CNTNAP2: variants seen among roughly 807,000 people sequenced by gnomAD.
CNTNAP2 encodes the protein contactin associated protein 2, also known as contactin-associated protein-like 2.
Under a neutral mutation model 155.2 loss-of-function variants are expected in CNTNAP2, and 98 were observed. The ratio of observed to expected loss-of-function variants is 0.63; its 90% CI spans 0.54 to 0.75. The LOEUF (loss-of-function observed/expected upper bound fraction) is 0.75, where lower values mean the gene tolerates loss of function less well. Ranked by LOEUF, CNTNAP2 falls within the 30% of genes least tolerant of loss-of-function variation. The pLI, the probability that CNTNAP2 is intolerant of heterozygous loss-of-function variation, is 0.00. For missense variants in CNTNAP2, 1,727 were observed against 1,688.1 expected, an observed-to-expected ratio of 1.02 and a Z score of -0.40; for synonymous variants, 651 against 631.2, an observed-to-expected ratio of 1.03 and a Z score of -0.47.
At chr7:147,290,275 T>C (rs1471655417) in intron 8 of CNTNAP2, among the ~76,000 whole-genome samples, 1 of 152,188 alleles carries the variant, frequency 6.6e-6, no homozygotes, top group Admixed American at 6.5e-5. Context: ...CAAACACATA[T>C]TTTTTATGTA....
chr7:146,971,124 G>A (rs1415211158), intron 3 of CNTNAP2, among the ~76,000 whole-genome samples: 1 of 151,922 alleles, frequency 6.6e-6, no homozygotes, highest in Non-Finnish European at 1.5e-5. Context: ...AAGTTAATGG[G>A]TGCAGCACAC....
chr7:146,151,654 A>G (rs929420042), intron 1 of CNTNAP2, among the ~76,000 whole-genome samples: 8 of 32,320 alleles, frequency 2.5e-4, no homozygotes, highest in South Asian at 1.4e-3. Context: ...ATATATATAT[A>G]TATATATATA....
chr7:147,741,793 C>T (rs1410035958), intron 13 of CNTNAP2, among the ~76,000 whole-genome samples: 1 of 152,166 alleles, frequency 6.6e-6, no homozygotes, highest in Non-Finnish European at 1.5e-5. Flanking sequence ...TTGTGCTCCT[C>T]ATAACATGTT....
intron 1 of CNTNAP2, among the ~76,000 whole-genome samples, chr7:146,762,647 T>C (rs1802123244): frequency 6.6e-6 from 1 of 152,084 alleles, no homozygotes; most frequent in Non-Finnish European, 1.5e-5. Flanking sequence ...TAGTCTGTTC[T>C]CACACTGCTA....
chr7:147,515,573 G>A (rs1274313996), intron 11 of CNTNAP2, among the ~76,000 whole-genome samples: 5 of 151,916 alleles, frequency 3.3e-5, no homozygotes, highest in African/African-American at 7.2e-5. Flanking sequence ...TGCCCACCTC[G>A]GCCTCCCAAA....
intron 12 of CNTNAP2, among the ~76,000 whole-genome samples, chr7:147,611,998 T>G (rs1801196643): frequency 6.6e-6 from 1 of 152,244 alleles, no homozygotes; most frequent in South Asian, 2.1e-4. Flanking sequence ...AACAAAACTA[T>G]CTATAAATAT....
intron 12 of CNTNAP2, among the ~76,000 whole-genome samples, chr7:147,634,227 G>A (rs1485619866): frequency 2.0e-5 from 3 of 152,064 alleles, no homozygotes; most frequent in African/African-American, 7.2e-5. Context: ...ACCAATGAGT[G>A]GATAAAGAGA....
intron 16 of CNTNAP2, among the ~76,000 whole-genome samples, chr7:148,138,889 C>T (rs536745730): frequency 5.9e-5 from 9 of 152,076 alleles, no homozygotes; most frequent in Non-Finnish European, 1.2e-4. Flanking sequence ...ATCATATAGG[C>T]CTATTAATAT....
At chr7:148,069,722 T>C (rs1233975803) in intron 15 of CNTNAP2, among the ~76,000 whole-genome samples, 2 of 143,118 alleles carry the variant, frequency 1.4e-5, no homozygotes, top group Non-Finnish European at 3.0e-5. Flanking sequence ...ATTGCGCCAC[T>C]GCACTCCAGC....
chr7:146,842,078 G>C (rs1051789576), intron 3 of CNTNAP2, among the ~76,000 whole-genome samples: 1 of 151,988 alleles, frequency 6.6e-6, no homozygotes, highest in African/African-American at 2.4e-5. Context: ...GTAGAGACAG[G>C]GTTTCACCAG....
At chr7:146,165,063 A>G (rs1798292078) in intron 1 of CNTNAP2, among the ~76,000 whole-genome samples, 1 of 152,196 alleles carries the variant, frequency 6.6e-6, no homozygotes, top group Admixed American at 6.6e-5. Flanking sequence ...CTTACGAACT[A>G]TAATCTATGA....
intron 9 of CNTNAP2, among the ~76,000 whole-genome samples, chr7:147,339,383 C>A (rs7791448): frequency 0.39 from 59,336 of 151,602 alleles, 11,898 homozygotes; most frequent in South Asian, 0.49. Context: ...AAGAATATGA[C>A]TTCTTCTTTC....
chr7:147,092,470 A>G (rs1800427567), intron 4 of CNTNAP2, among the ~76,000 whole-genome samples: 1 of 152,206 alleles, frequency 6.6e-6, no homozygotes, highest in South Asian at 2.1e-4. Context: ...ACAAAATAAT[A>G]TCTAAAATTC....
chr7:147,004,474 A>G (rs1358441530), intron 3 of CNTNAP2, among the ~76,000 whole-genome samples: 1 of 152,028 alleles, frequency 6.6e-6, no homozygotes, highest in Non-Finnish European at 1.5e-5. Context: ...AAATTAAACA[A>G]AAACATGACA....
chr7:146,404,680 A>G (rs1381056472), intron 1 of CNTNAP2, among the ~76,000 whole-genome samples: 1 of 152,104 alleles, frequency 6.6e-6, no homozygotes, highest in African/African-American at 2.4e-5. Context: ...GTGGAGCCTC[A>G]TCTTTACTGC....
At chr7:148,158,917 A>C (rs935661351) in intron 17 of CNTNAP2, among the ~76,000 whole-genome samples, 6 of 152,256 alleles carry the variant, frequency 3.9e-5, no homozygotes, top group African/African-American at 1.4e-4. Context: ...GTCCCACAGA[A>C]AAAGATTGTA....
At chr7:147,560,205 A>C (rs759459376) in intron 11 of CNTNAP2, among the ~76,000 whole-genome samples, 13 of 149,192 alleles carry the variant, frequency 8.7e-5, no homozygotes, top group South Asian at 2.1e-4. Flanking sequence ...AATCAGTCCT[A>C]TTTACTCTAT....
At chr7:146,423,040 C>A (rs1405167) in intron 1 of CNTNAP2, among the ~76,000 whole-genome samples, 5,411 of 152,068 alleles carry the variant, frequency 0.036, 344 homozygotes, top group African/African-American at 0.12. Flanking sequence ...CAAAATGTAC[C>A]TAATGCTAGT....
intron 1 of CNTNAP2, among the ~76,000 whole-genome samples, chr7:146,157,772 G>A (rs1798150869): frequency 6.6e-6 from 1 of 152,190 alleles, no homozygotes; most frequent in African/African-American, 2.4e-5. Flanking sequence ...GCAGATCAAG[G>A]AGGCCTGCCT....
Sources: gnomAD v4.1 joint callset for allele counts (sites outside exome capture counted in the v4.1 genomes callset) on GRCh38, gnomAD v4.1.1 for gene constraint, MANE v1.5 for transcripts, NCBI Gene and HGNC (gene_info 2026-07-23, HGNC 2026-07-21) for gene names.